Variants in MYH14 observed in about 807,000 individuals in gnomAD.
The protein encoded by MYH14 is myosin-14.
In MYH14, 123 loss-of-function variants were observed where a neutral mutation model predicts 255.5. The ratio of observed to expected loss-of-function variants is 0.48; its 90% CI spans 0.42 to 0.56. The LOEUF is 0.56. MYH14 is among the 20% of genes least tolerant of loss of function. The pLI is 0.00. For synonymous variants in MYH14, 1,095 were observed against 1,161.2 expected, an observed-to-expected ratio of 0.94 and a Z score of 1.16; for missense variants, 2,423 against 2,802.3, an observed-to-expected ratio of 0.86 and a Z score of 3.06.
rs1042892363 is a variant in MYH14, at chr19:50,249,344, G to A, written c.1482+205G>A. 1.4e-4 allele frequency: 91 copies of A among 643,922 alleles called. No individual in the cohort carries two copies. The African/African-American group carries it at 1.8e-3, about 12-fold the overall frequency. 39.9% of individuals were successfully genotyped at this position (643,922 alleles called of 1,614,324 possible). On this transcript the variant is annotated intron_variant, in intron 13 of 42. Transcript: ENST00000642316. ...GGTCTCTGTCCCCTTCTCTCTCTGGGTCTCTGTCCCCTGTCTCTGGGTCTC... is the reference window on the plus strand; with the variant it reads ...GGTCTCTGTCCCCTTCTCTCTCTGGATCTCTGTCCCCTGTCTCTGGGTCTC...
chr19:50,250,618 A>G lies in MYH14; in HGVS notation c.1760A>G (p.His587Arg). Residue 587 changes from histidine (H) to arginine (R), a missense_variant, in exon 15 of 43, where the codon CAC becomes CGC. Around this residue, in one of 3 missense-constraint regions of MYH14, gnomAD observed 672 missense variants for 881.8 expected, o/e 0.76. Coordinates refer to ENST00000642316, the MANE Select transcript of MYH14 (RefSeq NM_001145809.2). The surrounding 1 kb of genome is among the most constrained non-coding windows in gnomAD (Gnocchi z 5.4). ...VEKVAQEQGG[H>R]PKFQRPRHLR... ...AAGGTAGCCCAGGAGCAGGGCGGCC[A>G]CCCCAAGTTCCAGCGGCCGAGGCAC... The G allele has an allele frequency of 6.2e-7, 1 of 1,613,918 alleles. No individual in the cohort carries two copies. Among genetic ancestry groups the G allele is most frequent in the Non-Finnish European group, 8.5e-7 (1 of 1,179,876 alleles).
intron 16 of MYH14, among the ~76,000 whole-genome samples, chr19:50,254,185 C>T (rs1407002948): frequency 6.7e-6 from 1 of 149,608 alleles, no homozygotes; most frequent in Non-Finnish European, 1.5e-5. Flanking sequence ...CCATTGCACT[C>T]CAGCCTGGGC....
chr19:50,231,306 C>T lies in MYH14; in HGVS notation c.974-624C>T, dbSNP rs367789606. Among the ~76,000 whole-genome samples, 9 of 152,384 alleles carry T rather than the reference C, an allele frequency of 5.9e-5. No individual in the cohort carries two copies. The East Asian group carries it at 1.7e-3, about 29-fold the overall frequency. ...CCTTGGGCGCCGGCCCCTGCCATCCCATGGCCTGTGCTGACTTGGGCCTGC... is the reference window on the plus strand; with the variant it reads ...CCTTGGGCGCCGGCCCCTGCCATCCTATGGCCTGTGCTGACTTGGGCCTGC... On this transcript the variant is annotated intron_variant, in intron 9 of 42. Transcript: ENST00000642316.
rs750733905 is a variant in MYH14, at chr19:50,210,560, C to T, written c.195C>T (p.Phe65=). The part of the protein sequence containing the change: ...LVWVPSELHG[F]EAAALRDEGE... ...GGGTGCCTTCGGAGCTTCACGGGTT[C>T]GAGGCGGCGGCGCTGCGGGACGAAG... is the stretch of plus-strand genomic sequence containing the variant. The change falls in exon 2 of 43, where the codon TTC becomes TTT. Residue 65 remains phenylalanine (F), a synonymous_variant. Transcript: ENST00000642316. 4.4e-6 allele frequency: 7 copies of T among 1,582,044 alleles called. No homozygotes were observed. The highest frequency in any genetic ancestry group is 6.0e-6 in the Non-Finnish European group (7 of 1,165,296).
chr19:50,271,621 C>A, intron 25 of MYH14, 75 bp downstream of exon 25: 1 of 1,545,424 alleles, frequency 6.5e-7, no homozygotes, highest in South Asian at 1.2e-5. Context: ...AACTTCACGC[C>A]ATGGGGGTTA....
At position 50,217,660 on chromosome 19, in the gene MYH14, C is replaced by G. The variant is rs1276904333; in HGVS notation, c.451C>G (p.Leu151Val). Reference protein sequence around the residue: ...FCVVINPYKQLPIYTEAIVEM... With the variant: ...FCVVINPYKQVPIYTEAIVEM... ...TGTGGTCATCAACCCGTACAAGCAG[C>G]TTCCCATCTACACAGAAGCCATTGT... The change falls in exon 3 of 43, where the codon CTT (leucine) becomes GTT (valine). Residue 151 changes from leucine to valine, a missense_variant. Physicochemically the swap from Leu to Val is conservative, Grantham distance 32 (BLOSUM62 1). Transcript: ENST00000642316. 6.2e-7 allele frequency: 1 copy of G among 1,613,800 alleles called. No homozygotes were observed. The highest frequency in any genetic ancestry group is 1.7e-5 in the Admixed American group (1 of 60,000).
chr19:50,253,329 G>A (rs539876065), intron 16 of MYH14, among the ~76,000 whole-genome samples: 1 of 152,120 alleles, frequency 6.6e-6, no homozygotes, highest in South Asian at 2.1e-4. Context: ...TGTAGTCTCA[G>A]CTACTAGGGA....
Position 50,261,568 on chromosome 19 carries a change from C to T in MYH14, c.2518C>T (p.Arg840Ter). The change falls in exon 21 of 43, where the codon CGA becomes TGA. Residue 840 changes from arginine (R) to a stop codon, truncating the protein, a stop_gained. Transcript: ENST00000642316. LOFTEE classifies it high-confidence loss of function. ...AGVLAQLEEE[R>*]DLKVTDIIVS... ...GGTCCTGGCCCAGCTGGAAGAGGAG[C>T]GAGACCTGAAGGTCACCGACATCAT... 2 of 1,602,282 alleles carry T rather than the reference C, an allele frequency of 1.2e-6. No individual in the cohort carries two copies. Among genetic ancestry groups the T allele is most frequent in the Non-Finnish European group, 1.7e-6 (2 of 1,176,164 alleles).
At position 50,267,015 on chromosome 19, in the gene MYH14, G is replaced by T; in HGVS notation, c.2826+7G>T. 1 of 1,554,276 alleles carries T rather than the reference G, an allele frequency of 6.4e-7. No individual in the cohort carries two copies. Among genetic ancestry groups the T allele is most frequent in the East Asian group, 2.4e-5 (1 of 42,416 alleles). ...CCAGGGCCGAGTGGCACAGGTGAGG[G>T]GGCGGGGGCAGGGCGTGGGGGCGTG... is the stretch of plus-strand genomic sequence containing the variant. On this transcript the variant is annotated splice_region_variant and intron_variant, in intron 23 of 42. Coordinates refer to ENST00000642316, the MANE Select transcript of MYH14 (RefSeq NM_001145809.2).
At chr19:50,244,733 T>C (rs542865354) in intron 11 of MYH14, among the ~76,000 whole-genome samples, 117 of 152,228 alleles carry the variant, frequency 7.7e-4, no homozygotes, top group African/African-American at 2.6e-3. Flanking sequence ...TCTGCCCACC[T>C]CGGCCTCCCA....
chr19:50,293,521 G>T lies in MYH14; in HGVS notation c.5346-43G>T. The T allele has an allele frequency of 6.2e-7, 1 of 1,608,766 alleles. No homozygotes were observed. Among genetic ancestry groups the T allele is most frequent in the South Asian group, 1.1e-5 (1 of 90,082 alleles). ...AGTGTGAGGCAAGGCACCCTCCTCTGACCATCCTGTCCTTTCATCCCCACG... is the reference window on the plus strand; with the variant it reads ...AGTGTGAGGCAAGGCACCCTCCTCTTACCATCCTGTCCTTTCATCCCCACG... On this transcript the variant is annotated intron_variant, in intron 38 of 42. Transcript: ENST00000642316. The surrounding 1 kb of genome is among the most constrained non-coding windows in gnomAD (Gnocchi z 4.1).
At chr19:50,294,206 T>A (rs1312873479) in intron 39 of MYH14, among the ~76,000 whole-genome samples, 1 of 151,960 alleles carries the variant, frequency 6.6e-6, no homozygotes, top group East Asian at 1.9e-4. Flanking sequence ...AAATAGACCA[T>A]CCCAATACAG....
intron 23 of MYH14, among the ~76,000 whole-genome samples, chr19:50,267,857 GAC>G (rs2035146906): frequency 6.6e-6 from 1 of 152,076 alleles, no homozygotes; most frequent in Non-Finnish European, 1.5e-5. Flanking sequence ...GAGAAGGAAA[GAC>G]CTGAGCCTGT....
In MYH14 at chr19:50,249,724, C is replaced by G. The variant is rs766316068; in HGVS notation, c.1557C>G (p.Phe519Leu). 1 of 1,614,240 alleles carries G rather than the reference C, an allele frequency of 6.2e-7. No homozygotes were observed. Among genetic ancestry groups the G allele is most frequent in the Non-Finnish European group, 8.5e-7 (1 of 1,180,048 alleles). The change falls in exon 14 of 43, where the codon TTC becomes TTG. Residue 519 changes from phenylalanine (F) to leucine (L), a missense_variant. Around this residue, in one of 3 missense-constraint regions of MYH14, gnomAD observed 672 missense variants for 881.8 expected, o/e 0.76. Transcript: ENST00000642316. ...AGCAGCTCTTCAACCACACCATGTT[C>G]GTGCTGGAGCAGGAGGAGTACCAGC... ...KLQQLFNHTM[F>L]VLEQEEYQRE...
At chr19:50,205,859 C>A (rs1475575524) in intron 1 of MYH14, among the ~76,000 whole-genome samples, 2 of 150,968 alleles carry the variant, frequency 1.3e-5, no homozygotes, top group Non-Finnish European at 3.0e-5. Flanking sequence ...GCATTGAGTA[C>A]TGGGACTCCG....
intron 34 of MYH14, among the ~76,000 whole-genome samples, chr19:50,287,814 C>T (rs968388790): frequency 1.6e-4 from 24 of 152,114 alleles, no homozygotes; most frequent in African/African-American, 4.8e-4. Context: ...AGAGAGAACA[C>T]GAAGAGAATT....
In MYH14 at chr19:50,268,138, C is replaced by T. The variant is rs557190071; in HGVS notation, c.2827-23C>T. ...CCCTGGGAGCACTGCCTGCTGACCA[C>T]TAACCTCCCACACACTCCCCAGCTG... On this transcript the variant is annotated intron_variant, in intron 23 of 42. Coordinates refer to ENST00000642316, the MANE Select transcript of MYH14 (RefSeq NM_001145809.2). 353 of 1,534,668 alleles carry T rather than the reference C, an allele frequency of 2.3e-4. 5 individuals carry two copies. The South Asian group carries it at 3.9e-3, about 17-fold the overall frequency.
intron 1 of MYH14, among the ~76,000 whole-genome samples, chr19:50,208,235 T>C (rs952033234): frequency 3.7e-4 from 57 of 152,178 alleles, no homozygotes; most frequent in African/African-American, 1.1e-3. Flanking sequence ...GCCAACATGG[T>C]GAAACCCCAT....
chr19:50,271,664 G>C (rs1283144989), intron 25 of MYH14, 118 bp downstream of exon 25: 2 of 1,468,224 alleles, frequency 1.4e-6, no homozygotes, highest in Non-Finnish European at 1.8e-6. Flanking sequence ...GCACCGGTGG[G>C]GGTGGGATGG....
Sources: allele counts gnomAD v4.1 joint callset (sites outside exome capture counted in the v4.1 genomes callset), GRCh38; gene constraint gnomAD v4.1.1; regional missense constraint gnomAD v4.1.1; non-coding constraint Gnocchi (gnomAD v3.1); transcripts MANE v1.5; gene names NCBI Gene and HGNC (gene_info 2026-07-23, HGNC 2026-07-21).